Variants in TANC2 observed in about 807,000 individuals in gnomAD.
The protein encoded by TANC2 is tetratricopeptide repeat, ankyrin repeat and coiled-coil containing 2.
A neutral mutation model predicts 210.5 loss-of-function variants in TANC2; 26 were observed. That is an observed-to-expected ratio of 0.12 (90% CI 0.09 to 0.17). The LOEUF is 0.17. Ranked by LOEUF, TANC2 falls within the 10% of genes least tolerant of loss-of-function variation. The probability of loss-of-function intolerance (pLI) is 1.00; values close to 1 mark genes in which losing one functional copy is unlikely to be tolerated. For synonymous variants in TANC2, 931 were observed against 967.1 expected (o/e 0.96, Z 0.69); for missense variants, 2,129 against 2,608.9 (o/e 0.82, Z 4.01).
chr17:63,234,687 C>T (rs1435876237), intron 7 of TANC2, among the ~76,000 whole-genome samples: 1 of 152,014 alleles, frequency 6.6e-6, no homozygotes, highest in African/African-American at 2.4e-5. Context: ...ATAGTTTCTA[C>T]TCTCCAGAAA....
rs192461740 is a variant in TANC2 at position 63,407,902 on chromosome 17, A to G, written c.3589+1625A>G. Among the ~76,000 whole-genome samples the G allele has an allele frequency of 1.6e-3, 237 of 152,378 alleles. 1 individual carries two copies. The highest frequency in any genetic ancestry group is 2.3e-3 in the Non-Finnish European group (159 of 68,044). Reference sequence around the variant, plus strand: ...AATGACAGGTTTGGAGAAATATGCAAGCTGTCTAGTAAAATGTAAGGGGAC... The same window carrying G: ...AATGACAGGTTTGGAGAAATATGCAGGCTGTCTAGTAAAATGTAAGGGGAC... On this transcript the variant is annotated intron_variant, in intron 21 of 27. Transcript: ENST00000689528.
intron 8 of TANC2, among the ~76,000 whole-genome samples, chr17:63,254,057 G>C (rs943968198): frequency 1.3e-5 from 2 of 152,042 alleles, no homozygotes; most frequent in Admixed American, 1.3e-4. Flanking sequence ...GGATTGCTTT[G>C]AATCTGTAGA....
chr17:63,361,188 A>G (rs1036537249), intron 14 of TANC2, among the ~76,000 whole-genome samples: 1 of 152,148 alleles, frequency 6.6e-6, no homozygotes, highest in African/African-American at 2.4e-5. Flanking sequence ...ATCGTATGGT[A>G]GTGTCACAGG....
chr17:63,155,622 G>T (rs1487744471), intron 5 of TANC2, among the ~76,000 whole-genome samples: 1 of 152,244 alleles, frequency 6.6e-6, no homozygotes, highest in African/African-American at 2.4e-5. Context: ...CTTGAAATAG[G>T]CAGGCTTTTA....
chr17:63,259,305 G>A (rs1037001975), intron 8 of TANC2, among the ~76,000 whole-genome samples: 6 of 152,128 alleles, frequency 3.9e-5, no homozygotes, highest in Admixed American at 2.0e-4. Flanking sequence ...GAGGGGTGAC[G>A]TTAGCACTCC....
chr17:63,300,381 C>T (rs1191525958), intron 9 of TANC2, among the ~76,000 whole-genome samples: 1 of 152,176 alleles, frequency 6.6e-6, no homozygotes, highest in Non-Finnish European at 1.5e-5. Flanking sequence ...AGCAGTATGG[C>T]CATTTTCATG....
intron 26 of TANC2, 69 bp downstream of exon 26, chr17:63,415,743 T>C: frequency 6.4e-7 from 1 of 1,554,214 alleles, no homozygotes; most frequent in East Asian, 2.2e-5. Context: ...CTCACTAGCT[T>C]TTACCAGGCC....
intron 4 of TANC2, among the ~76,000 whole-genome samples, chr17:63,099,598 T>C (rs934448459): frequency 3.9e-5 from 6 of 152,124 alleles, no homozygotes; most frequent in African/African-American, 1.4e-4. Context: ...GTGAACATAT[T>C]TTTCTAGGTT....
intron 7 of TANC2, among the ~76,000 whole-genome samples, chr17:63,224,388 A>G (rs994119294): frequency 2.0e-5 from 3 of 151,916 alleles, no homozygotes; most frequent in African/African-American, 7.3e-5. Context: ...AGTAGCTGGA[A>G]TTACAGGGGC....
At position 63,018,660 on chromosome 17, in the gene TANC2, A is replaced by T. The variant is rs568681806; in HGVS notation, c.67+9034A>T. Among the ~76,000 whole-genome samples, 25 of 152,348 alleles carry T rather than the reference A, an allele frequency of 1.6e-4. No individual in the cohort carries two copies. The South Asian group carries it at 4.1e-3, about 25-fold the overall frequency. ...AACAGTTGAGATACTGGACATTTCCATCACCACAAGGATTCCTTGGTTTGC... is the reference window on the plus strand; with the variant it reads ...AACAGTTGAGATACTGGACATTTCCTTCACCACAAGGATTCCTTGGTTTGC... On this transcript the variant is annotated intron_variant, in intron 2 of 27. Coordinates refer to ENST00000689528, the Ensembl canonical transcript of TANC2.
chr17:63,296,842 G>T (rs1212968899), intron 9 of TANC2, among the ~76,000 whole-genome samples: 2 of 152,008 alleles, frequency 1.3e-5, no homozygotes, highest in Non-Finnish European at 2.9e-5. Context: ...TAGTGAACTC[G>T]AAGATAAACA....
At chr17:63,308,729 A>T (rs1232742905) in intron 9 of TANC2, among the ~76,000 whole-genome samples, 1 of 152,172 alleles carries the variant, frequency 6.6e-6, no homozygotes, top group Non-Finnish European at 1.5e-5. Context: ...TAGTTTAATT[A>T]GTTGTTGGAT....
intron 7 of TANC2, among the ~76,000 whole-genome samples, chr17:63,226,424 G>C (rs1291622309): frequency 6.6e-6 from 1 of 152,110 alleles, no homozygotes; most frequent in African/African-American, 2.4e-5. Context: ...TCTCCTCTCT[G>C]TCATTCTAGC....
At chr17:63,415,620 G>A (rs770757377) in exon 26 of TANC2, 1 of 1,613,682 alleles carries the variant, frequency 6.2e-7, no homozygotes, top group South Asian at 1.1e-5. Context: ...AAACTTTCCG[G>A]GAACTAAAGG....
At chr17:63,321,436 C>T (rs2447452) in intron 11 of TANC2, among the ~76,000 whole-genome samples, 90,924 of 152,076 alleles carry the variant, frequency 0.6, 29,700 homozygotes, top group African/African-American at 0.86. Context: ...GTTTTATGGA[C>T]GCAATGTATT....
At chr17:63,035,539 AGTGTT>A (rs1216744556) in intron 2 of TANC2, among the ~76,000 whole-genome samples, 1 of 152,136 alleles carries the variant, frequency 6.6e-6, no homozygotes, top group Non-Finnish European at 1.5e-5. Context: ...AGTACTAGCG[AGTGTT>A]CCTTTTTATT....
intron 5 of TANC2, among the ~76,000 whole-genome samples, chr17:63,183,929 A>G (rs2145674215): frequency 6.6e-6 from 1 of 152,030 alleles, no homozygotes; most frequent in South Asian, 2.1e-4. Flanking sequence ...AGGCAGGAGA[A>G]TGGCGTGAAC....
intron 9 of TANC2, among the ~76,000 whole-genome samples, chr17:63,310,440 T>G (rs2146557166): frequency 6.6e-6 from 1 of 151,940 alleles, no homozygotes; most frequent in East Asian, 1.9e-4. Context: ...AAAGCAGGAT[T>G]CCATCTCAAA....
At chr17:63,027,427 T>C (rs990577800) in intron 2 of TANC2, among the ~76,000 whole-genome samples, 6 of 152,094 alleles carry the variant, frequency 3.9e-5, no homozygotes, top group African/African-American at 1.2e-4. Flanking sequence ...TATTTTGATA[T>C]AGAACAATGT....
Sources: gnomAD v4.1 joint callset for allele counts (sites outside exome capture counted in the v4.1 genomes callset) on GRCh38, gnomAD v4.1.1 for gene constraint, MANE v1.5 for transcripts, NCBI Gene and HGNC (gene_info 2026-07-23, HGNC 2026-07-21) for gene names.